Variants in C4orf33 observed in about 807,000 individuals in gnomAD.
The protein encoded by C4orf33 is UPF0462 protein C4orf33.
A neutral mutation model predicts 24.3 loss-of-function variants in C4orf33; 20 were observed. The observed-to-expected ratio is 0.82, with a 90% CI of 0.58 to 1.19. The LOEUF is 1.19. C4orf33 is among the 50% of genes most tolerant of loss of function. The pLI is 0.00. For synonymous variants in C4orf33, 67 were observed against 76.4 expected, an observed-to-expected ratio of 0.88 and a Z score of 0.64; for missense variants, 207 against 225.9, an observed-to-expected ratio of 0.92 and a Z score of 0.54.
intron 5 of C4orf33, among the ~76,000 whole-genome samples, 163 bp from the exon 6 acceptor site, chr4:129,111,523 G>C (rs1753689955): frequency 6.6e-6 from 1 of 152,184 alleles, no homozygotes; most frequent in Non-Finnish European, 1.5e-5. Context: ...GTGTTTGACA[G>C]CTAGAGTGAG....
At chr4:129,098,527 G>A (rs1468183017) in intron 1 of C4orf33, among the ~76,000 whole-genome samples, 1 of 152,192 alleles carries the variant, frequency 6.6e-6, no homozygotes, top group Non-Finnish European at 1.5e-5. Flanking sequence ...GTTTTGGTTT[G>A]TATTTTAAAA....
At chr4:129,104,324 G>T (rs1753451546) in intron 2 of C4orf33, among the ~76,000 whole-genome samples, 1 of 152,270 alleles carries the variant, frequency 6.6e-6, no homozygotes, top group Admixed American at 6.5e-5. Flanking sequence ...TTAGGGCAGA[G>T]CCTTCTAAAT....
Position 129,106,643 on chromosome 4 carries a change from T to A in C4orf33, c.238T>A (p.Cys80Ser), listed in dbSNP as rs775064629. 2.0e-6 allele frequency: 3 copies of A among 1,505,210 alleles called. No homozygotes were observed. The South Asian group carries it at 3.7e-5, about 18-fold the overall frequency. The allele number at this position is 1,505,210 out of a possible 1,614,324, so 93.2% of individuals were successfully genotyped here. The change falls in exon 3 of 6, where the codon TGT becomes AGT. Residue 80 changes from cysteine (C) to serine (S), a missense_variant. Coordinates refer to ENST00000425929, the MANE Select transcript of C4orf33 (RefSeq NM_001099783.2). ...ITEQYLEVELCPHGQHLVLLL... is the reference protein window; with the variant it reads ...ITEQYLEVELSPHGQHLVLLL... ...TGAGCAATATTTAGAAGTTGAACTTTGTCCGTAAGTATAAAATGTTTTTTC... is the reference window on the plus strand; with the variant it reads ...TGAGCAATATTTAGAAGTTGAACTTAGTCCGTAAGTATAAAATGTTTTTTC...
At chr4:129,110,256 T>C (rs780799568) in intron 5 of C4orf33, among the ~76,000 whole-genome samples, 14 of 152,272 alleles carry the variant, frequency 9.2e-5, no homozygotes, top group African/African-American at 2.4e-5. Flanking sequence ...GTAACAGTCA[T>C]GTTCCCTGTG....
At chr4:129,098,856 G>A (rs1024007032) in intron 1 of C4orf33, among the ~76,000 whole-genome samples, 1 of 150,292 alleles carries the variant, frequency 6.7e-6, no homozygotes, top group Non-Finnish European at 1.5e-5. Flanking sequence ...GAGTTGCCAT[G>A]GCATTTGTAA....
In C4orf33 at chr4:129,101,703, C is replaced by A. The variant is rs560514019; in HGVS notation, c.-9-899C>A. 3.9e-5 allele frequency among the ~76,000 whole-genome samples: 6 copies of A among 152,198 alleles called. No homozygotes were observed. The East Asian group carries it at 1.2e-3, about 29-fold the overall frequency. On this transcript the variant is annotated intron_variant, in intron 1 of 5. Coordinates refer to ENST00000425929, the MANE Select transcript of C4orf33 (RefSeq NM_001099783.2). ...TAGAAAATGCCCAATCCATAGTATTCAAAAATGTGATTTTATCAATGCATT... is the reference window on the plus strand; with the variant it reads ...TAGAAAATGCCCAATCCATAGTATTAAAAAATGTGATTTTATCAATGCATT...
At chr4:129,093,893 C>G (rs925219269), upstream of C4orf33, 2 of 152,258 alleles carry the variant, frequency 1.3e-5, no homozygotes, top group Non-Finnish European at 2.9e-5. Flanking sequence ...TACTAATATA[C>G]TAAGCCTTTC....
Position 129,110,072 on chromosome 4 carries a change from T to A in C4orf33, c.494+400T>A, listed in dbSNP as rs566433790. On this transcript the variant is annotated intron_variant, in intron 5 of 5. Transcript: ENST00000425929. ...CAAGGAAATCTAATCTTCAGTTATC[T>A]CTCTAGTTCTCCTCTTCTGGTAACC... 11 of 879,200 alleles carry A rather than the reference T, an allele frequency of 1.3e-5. No individual in the cohort carries two copies. The African/African-American group carries it at 2.0e-4, about 16-fold the overall frequency. 54.5% of individuals were successfully genotyped at this position (879,200 alleles called of 1,614,324 possible). A position where few individuals can be genotyped will look rare whatever the true frequency, so the allele number is the denominator to read the frequency against.
At chr4:129,096,426 A>G (rs531378936) in intron 1 of C4orf33, among the ~76,000 whole-genome samples, 5 of 152,320 alleles carry the variant, frequency 3.3e-5, no homozygotes, top group African/African-American at 1.2e-4. Flanking sequence ...AACTGAAAAG[A>G]AATCATTATT....
chr4:129,101,441 A>G (rs73848912), intron 1 of C4orf33, among the ~76,000 whole-genome samples: 1 of 152,140 alleles, frequency 6.6e-6, no homozygotes, highest in Non-Finnish European at 1.5e-5. Context: ...ACTAAGTGAG[A>G]TTATCTTTTG....
chr4:129,104,358 T>G lies in C4orf33; in HGVS notation c.181+1567T>G, dbSNP rs761011030. Among the ~76,000 whole-genome samples, 9 of 152,202 alleles carry G rather than the reference T, an allele frequency of 5.9e-5. 1 individual carries two copies. The highest frequency in any genetic ancestry group is 1.2e-4 in the Non-Finnish European group (8 of 68,028). On this transcript the variant is annotated intron_variant, in intron 2 of 5. Transcript: ENST00000425929. ...ATAGTCTTTTAGCCCTTAAGCCCAT[T>G]CTTCATTTAGAAGCTGGACTGCTAT...
intron 3 of C4orf33, among the ~76,000 whole-genome samples, chr4:129,107,414 A>G (rs544703207): frequency 6.6e-6 from 1 of 152,126 alleles, no homozygotes; most frequent in South Asian, 2.1e-4. Context: ...TATTGCAGTT[A>G]TTCATTTGAA....
intron 2 of C4orf33, among the ~76,000 whole-genome samples, chr4:129,105,797 G>A (rs971077622): frequency 5.3e-5 from 8 of 152,038 alleles, no homozygotes; most frequent in Admixed American, 1.3e-4. Context: ...AGATGTATAT[G>A]TTCAAAATTA....
intron 2 of C4orf33, among the ~76,000 whole-genome samples, chr4:129,103,504 C>T (rs989195015): frequency 1.3e-5 from 2 of 152,106 alleles, no homozygotes; most frequent in African/African-American, 2.4e-5. Flanking sequence ...AACCTCAATA[C>T]GAAATGTAGT....
rs1753612022 is a variant in C4orf33, at chr4:129,109,235, A to G, written c.243-72A>G. ...AATTAGTTGCAAGCACACACATTCC[A>G]TGTATAAAGGATAGTGAAGAAAATA... On this transcript the variant is annotated intron_variant, in intron 3 of 5. Coordinates refer to ENST00000425929, the MANE Select transcript of C4orf33 (RefSeq NM_001099783.2). 8 of 1,354,314 alleles carry G rather than the reference A, an allele frequency of 5.9e-6. No individual in the cohort carries two copies. In the South Asian group the frequency reaches 9.4e-5, roughly 16 times the overall value. 83.9% of individuals were successfully genotyped at this position (1,354,314 alleles called of 1,614,324 possible). A position where few individuals can be genotyped will look rare whatever the true frequency, so the allele number is the denominator to read the frequency against.
In C4orf33 at chr4:129,109,695, T is replaced by C. The variant is rs757629574; in HGVS notation, c.494+23T>C. On this transcript the variant is annotated intron_variant, in intron 5 of 5. Transcript: ENST00000425929. ...TTTGTAAGTAGAAAATAAATGAAGA[T>C]ATGTTCCAAATACACGAGTTTTTTC... 3 of 1,597,500 alleles carry C rather than the reference T, an allele frequency of 1.9e-6. No homozygotes were observed. In the South Asian group the frequency reaches 3.3e-5, roughly 18 times the overall value.
At chr4:129,102,508 T>A in intron 1 of C4orf33, 94 bp from the exon 2 acceptor site, 1 of 899,086 alleles carries the variant, frequency 1.1e-6, no homozygotes, top group Non-Finnish European at 1.7e-6. Flanking sequence ...GCCTTTCCCG[T>A]CTGCTGTTTG....
At chr4:129,094,750 A>T (rs1212556976), upstream of C4orf33, among the ~76,000 whole-genome samples, 1 of 152,130 alleles carries the variant, frequency 6.6e-6, no homozygotes, top group Admixed American at 6.5e-5. Context: ...AGTAGCTATA[A>T]CGTTTACACA....
At position 129,106,743 on chromosome 4, in the gene C4orf33, A is replaced by C. The variant is rs1007586882; in HGVS notation, c.242+96A>C. On this transcript the variant is annotated intron_variant, in intron 3 of 5. Transcript: ENST00000425929. Reference sequence around the variant, plus strand: ...TATAGTAAAAGCTCATTAATTCCAGAGTAAGAATGGTACTCTGAATTTGCT... The same window carrying C: ...TATAGTAAAAGCTCATTAATTCCAGCGTAAGAATGGTACTCTGAATTTGCT... 10 of 637,888 alleles carry C rather than the reference A, an allele frequency of 1.6e-5. No individual in the cohort carries two copies. In the East Asian group the frequency reaches 2.8e-4, roughly 18 times the overall value. 39.5% of individuals were successfully genotyped at this position (637,888 alleles called of 1,614,324 possible). A position where few individuals can be genotyped will look rare whatever the true frequency, so the allele number is the denominator to read the frequency against.
Sources: allele counts gnomAD v4.1 joint callset (sites outside exome capture counted in the v4.1 genomes callset), GRCh38; gene constraint gnomAD v4.1.1; transcripts MANE v1.5; gene names NCBI Gene and HGNC (gene_info 2026-07-23, HGNC 2026-07-21).